DENND4B: variants seen among roughly 807,000 people sequenced by gnomAD.
DENND4B encodes DENN domain containing 4B, also known as DENN domain-containing protein 4B.
Under a neutral mutation model 161.0 loss-of-function variants are expected in DENND4B, and 67 were observed. The ratio of observed to expected loss-of-function variants is 0.42; its 90% confidence interval spans 0.34 to 0.51. The LOEUF is 0.51. DENND4B is among the 20% of genes least tolerant of loss of function. DENND4B has a pLI of 0.08. For missense variants in DENND4B, 1,481 were observed against 1,968.0 expected (o/e 0.75, Z 4.68); for synonymous variants, 753 against 813.8 (o/e 0.93, Z 1.27).
intron 6 of DENND4B, 93 bp downstream of exon 6, chr1:153,941,776 C>T: frequency 3.9e-5 from 20 of 509,874 alleles, no homozygotes; most frequent in East Asian, 1.0e-4. Context: ...CTGTGCCCAG[C>T]CCTCCCCCCA....
At position 153,930,996 on chromosome 1, in the gene DENND4B, G is replaced by A. The variant is rs923572672; in HGVS notation, c.4065C>T (p.Thr1355=). ...VQVRLLWDVL[T]PDPNSCPPLY... The stretch of plus-strand genomic sequence containing the variant: ...GAGGTGGGCAGCTATTGGGGTCAGG[G>A]GTCAGTACATCCCACAGCAGCCGTA... Residue 1355 remains threonine (T), a synonymous_variant, in exon 25 of 28, where the codon ACC becomes ACT. Coordinates refer to ENST00000361217, the MANE Select transcript of DENND4B (RefSeq NM_014856.3). The surrounding 1 kb of genome is among the most constrained non-coding windows in gnomAD (Gnocchi z 4.7). 1.2e-6 allele frequency: 2 copies of A among 1,613,348 alleles called. No homozygotes were observed. Among genetic ancestry groups the A allele is most frequent in the African/African-American group, 1.3e-5 (1 of 75,026 alleles).
chr1:153,931,495 T>C (rs1049364866), intron 24 of DENND4B, among the ~76,000 whole-genome samples: 1 of 150,698 alleles, frequency 6.6e-6, no homozygotes, highest in East Asian at 1.9e-4. Context: ...CTATGCTCTT[T>C]CTTTTTTTTT....
chr1:153,941,133 A>G (rs1159882326), intron 8 of DENND4B, 85 bp from the exon 9 acceptor site: 1 of 1,570,598 alleles, frequency 6.4e-7, no homozygotes. Context: ...CACCACCTGG[A>G]CCCAGCCTGC....
chr1:153,941,158 C>T (rs1679641692), intron 8 of DENND4B, 73 bp downstream of exon 8: 1 of 1,590,412 alleles, frequency 6.3e-7, no homozygotes, highest in Non-Finnish European at 8.6e-7. Flanking sequence ...ACCTCAACAG[C>T]TGCACCCACC....
rs371982871 is a variant in DENND4B at position 153,934,287 on chromosome 1, C to T, written c.2789G>A (p.Arg930His). 8.8e-6 allele frequency: 14 copies of T among 1,590,304 alleles called. No homozygotes were observed. The South Asian group carries it at 1.3e-4, about 14-fold the overall frequency. The change falls in exon 19 of 28, where the codon CGC (arginine) becomes CAC (histidine). Residue 930 changes from arginine (R) to histidine (H), a missense_variant. Coordinates refer to ENST00000361217, the MANE Select transcript of DENND4B (RefSeq NM_014856.3). The surrounding 1 kb of genome is among the most constrained non-coding windows in gnomAD (Gnocchi z 5.3). ...CTGAAGAGGGCGAGTAGGGGAAGGG[C>T]GCTCCAAATAGGGCTCTGTAAAAGA... ...GSSQAEPYLE[R>H]PSPTRPLQRQ...
chr1:153,934,396 G>A lies in DENND4B; in HGVS notation c.2774-94C>T. On this transcript the variant is annotated intron_variant, in intron 18 of 27. Transcript: ENST00000361217. This position sits in a 1 kb window ranked among gnomAD's most constrained non-coding sequence, Gnocchi z 5.3. Reference sequence around the variant, plus strand: ...TCCTTAGATGGACCAGGGTTTGCAGGGTTCCTCCCAGGCAAAACTTTATCC... The same window carrying A: ...TCCTTAGATGGACCAGGGTTTGCAGAGTTCCTCCCAGGCAAAACTTTATCC... 1 of 1,454,966 alleles carries A rather than the reference G, an allele frequency of 6.9e-7. No individual in the cohort carries two copies. The highest frequency in any genetic ancestry group is 9.2e-7 in the Non-Finnish European group (1 of 1,088,034). The allele number at this position is 1,454,966 out of a possible 1,614,324, so 90.1% of individuals were successfully genotyped here.
Position 153,933,366 on chromosome 1 carries a change from A to C in DENND4B, c.3331-47T>G, listed in dbSNP as rs1679088001. ...TGGTCAGCCAACCCCATGCTCTTCC[A>C]CCCAGGATATGTGTTTCAAGCACCC... On this transcript the variant is annotated intron_variant, in intron 20 of 27. Transcript: ENST00000361217. The surrounding 1 kb of genome is among the most constrained non-coding windows in gnomAD (Gnocchi z 5.7). 1 of 1,612,488 alleles carries C rather than the reference A, an allele frequency of 6.2e-7. No homozygotes were observed. The highest frequency in any genetic ancestry group is 1.3e-5 in the African/African-American group (1 of 74,956).
In DENND4B at chr1:153,938,986, G is replaced by A. The variant is rs983902494; in HGVS notation, c.1879C>T (p.Gln627Ter). 6.2e-7 allele frequency: 1 copy of A among 1,612,242 alleles called. No homozygotes were observed. Among genetic ancestry groups the A allele is most frequent in the Non-Finnish European group, 8.5e-7 (1 of 1,179,198 alleles). ...HKLYSQLLHT[Q>*]MFSQFIEECS... ...TCCTCAATGAACTGTGAGAACATCT[G>A]TGTGTGCAGCAGCTGAGAGTAAAGT... Residue 627 changes from glutamine to a stop codon, truncating the protein, a stop_gained, in exon 13 of 28, where the codon CAG (glutamine) becomes TAG (stop). Transcript: ENST00000361217. LOFTEE classifies it high-confidence loss of function.
chr1:153,945,569 CA>C (rs1679913649), intron 1 of DENND4B, among the ~76,000 whole-genome samples: 1 of 151,942 alleles, frequency 6.6e-6, no homozygotes, highest in South Asian at 2.1e-4. Flanking sequence ...CACACACACA[CA>C]CACACGCACA....
Position 153,937,532 on chromosome 1 carries a change from A to G in DENND4B, c.2188T>C (p.Ser730Pro). 1 of 1,605,486 alleles carries G rather than the reference A, an allele frequency of 6.2e-7. No homozygotes were observed. The highest frequency in any genetic ancestry group is 8.5e-7 in the Non-Finnish European group (1 of 1,175,700). ...QPGALPVPGP[S>P]RSAPSSPAPR... ...GCAGGACTGCTGGGGGCGCTACGGG[A>G]AGGGCCTGGCACAGGCAGGGCCCCA... is the stretch of plus-strand genomic sequence containing the variant. Residue 730 changes from serine to proline, a missense_variant, in exon 15 of 28, where the codon TCC becomes CCC. Ser to Pro is a moderately conservative substitution (Grantham distance 74). Transcript: ENST00000361217. The surrounding 1 kb of genome is among the most constrained non-coding windows in gnomAD (Gnocchi z 4.7).
At position 153,940,406 on chromosome 1, in the gene DENND4B, C is replaced by T. The variant is rs896098297; in HGVS notation, c.1502+25G>A. Reference sequence around the variant, plus strand: ...CCATTCCTGCCCACCACCCTGCAGCCCCCAAATGAGACCCAGCCTCTTACT... The same window carrying T: ...CCATTCCTGCCCACCACCCTGCAGCTCCCAAATGAGACCCAGCCTCTTACT... On this transcript the variant is annotated intron_variant, in intron 10 of 27. Transcript: ENST00000361217. The surrounding 1 kb of genome is among the most constrained non-coding windows in gnomAD (Gnocchi z 5.6). 3.7e-6 allele frequency: 6 copies of T among 1,607,374 alleles called. No homozygotes were observed. Among genetic ancestry groups the T allele is most frequent in the Non-Finnish European group, 4.2e-6 (5 of 1,176,752 alleles).
In DENND4B at chr1:153,940,228, G is replaced by A. The variant is rs567357573; in HGVS notation, c.1531C>T (p.Arg511Trp). Reference protein sequence around the residue: ...QTEEKKLLSPRTLPRRPYKVL... With the variant: ...QTEEKKLLSPWTLPRRPYKVL... The stretch of plus-strand genomic sequence containing the variant: ...TTGTAGGGTCTGCGGGGCAGGGTCC[G>A]AGGGGAGAGGAGCTTCTTTTCCTCA... Residue 511 changes from arginine to tryptophan, a missense_variant, in exon 11 of 28, where the codon CGG (arginine) becomes TGG (tryptophan). Arg to Trp is a moderately radical substitution (Grantham distance 101). Coordinates refer to ENST00000361217, the MANE Select transcript of DENND4B (RefSeq NM_014856.3). This position sits in a 1 kb window ranked among gnomAD's most constrained non-coding sequence, Gnocchi z 5.6. 7 of 1,601,414 alleles carry A rather than the reference G, an allele frequency of 4.4e-6. No individual in the cohort carries two copies. The highest frequency in any genetic ancestry group is 1.1e-5 in the South Asian group (1 of 89,294).
rs748095581 is a variant in DENND4B, at chr1:153,941,443, G to A, written c.1056-3C>T. Reference sequence around the variant, plus strand: ...TGTGAATGAAGTGGGAGATGTGCCTGGGGGACAGAGAAACAGGTCAGAGCA... The same window carrying A: ...TGTGAATGAAGTGGGAGATGTGCCTAGGGGACAGAGAAACAGGTCAGAGCA... On this transcript the variant is annotated splice_polypyrimidine_tract_variant and splice_region_variant and intron_variant, in intron 6 of 27. Transcript: ENST00000361217. The A allele has an allele frequency of 1.2e-6, 2 of 1,610,320 alleles. No individual in the cohort carries two copies. The highest frequency in any genetic ancestry group is 1.7e-5 in the Admixed American group (1 of 59,648).
In DENND4B at chr1:153,940,060, T is replaced by G; in HGVS notation, c.1603+96A>C. 1 of 1,117,926 alleles carries G rather than the reference T, an allele frequency of 8.9e-7. No homozygotes were observed. 69.3% of individuals were successfully genotyped at this position (1,117,926 alleles called of 1,614,324 possible). A position where few individuals can be genotyped will look rare whatever the true frequency, so the allele number is the denominator to read the frequency against. On this transcript the variant is annotated intron_variant, in intron 11 of 27. Coordinates refer to ENST00000361217, the MANE Select transcript of DENND4B (RefSeq NM_014856.3). This position sits in a 1 kb window ranked among gnomAD's most constrained non-coding sequence, Gnocchi z 5.6. ...AAATGCAATCCTAACTTCACTCACC[T>G]CCTTAAGAAATGTCTAGCTCCCCAC...
chr1:153,945,033 C>G (rs1376818585), intron 1 of DENND4B: 6 of 1,212,228 alleles, frequency 4.9e-6, no homozygotes, highest in Non-Finnish European at 6.4e-6. Flanking sequence ...TTAGGTAGCT[C>G]GTTAGATCCA....
Position 153,934,261 on chromosome 1 carries a change from G to A in DENND4B, c.2815C>T (p.Arg939Cys), listed in dbSNP as rs375007291. 16 of 1,596,542 alleles carry A rather than the reference G, an allele frequency of 1.0e-5. No individual in the cohort carries two copies. The highest frequency in any genetic ancestry group is 5.4e-5 in the African/African-American group (4 of 74,300). Reference sequence around the variant, plus strand: ...CTTCGCCCAGCCCAAGTAGTCTGGCGCTGAAGAGGGCGAGTAGGGGAAGGG... The same window carrying A: ...CTTCGCCCAGCCCAAGTAGTCTGGCACTGAAGAGGGCGAGTAGGGGAAGGG... ...ERPSPTRPLQRQTTWAGRSLR... is the reference protein window; with the variant it reads ...ERPSPTRPLQCQTTWAGRSLR... The change falls in exon 19 of 28, where the codon CGC becomes TGC. Residue 939 changes from arginine to cysteine, a missense_variant. Coordinates refer to ENST00000361217, the MANE Select transcript of DENND4B (RefSeq NM_014856.3). The surrounding 1 kb of genome is among the most constrained non-coding windows in gnomAD (Gnocchi z 5.3).
In DENND4B at chr1:153,934,116, G is replaced by A. The variant is rs1442933293; in HGVS notation, c.2941+19C>T. 1 of 1,537,824 alleles carries A rather than the reference G, an allele frequency of 6.5e-7. No individual in the cohort carries two copies. Among genetic ancestry groups the A allele is most frequent in the South Asian group, 1.2e-5 (1 of 80,048 alleles). ...GAAAGCTGACTGGGGGAGTGAGGGAGCCAGACAAGGGCACTCACTGTGGGC... is the reference window on the plus strand; with the variant it reads ...GAAAGCTGACTGGGGGAGTGAGGGAACCAGACAAGGGCACTCACTGTGGGC... On this transcript the variant is annotated intron_variant, in intron 19 of 27. Transcript: ENST00000361217. The surrounding 1 kb of genome is among the most constrained non-coding windows in gnomAD (Gnocchi z 5.3).
In DENND4B at chr1:153,936,239, CAA is replaced by C. The variant is rs1225781141; in HGVS notation, c.2440-53_2440-52del. On this transcript the variant is annotated intron_variant, in intron 16 of 27. Coordinates refer to ENST00000361217, the MANE Select transcript of DENND4B (RefSeq NM_014856.3). This position sits in a 1 kb window ranked among gnomAD's most constrained non-coding sequence, Gnocchi z 4.1. ...TGGGAGACTCACTCTCAACCAAAAC[CAA>C]AGTCTCAGCAAGCACCCTCTTCCTG... is the stretch of plus-strand genomic sequence containing the variant. 27 of 1,565,004 alleles carry C rather than the reference CAA, an allele frequency of 1.7e-5. No individual in the cohort carries two copies. In the East Asian group the frequency reaches 3.6e-4, roughly 21 times the overall value.
chr1:153,930,729 T>C lies in DENND4B; in HGVS notation c.4243A>G (p.Thr1415Ala). The change falls in exon 26 of 28, where the codon ACT becomes GCT. Residue 1415 changes from threonine to alanine, a missense_variant. By Grantham distance (58) the Thr-to-Ala change is moderately conservative (BLOSUM62 0). Coordinates refer to ENST00000361217, the MANE Select transcript of DENND4B (RefSeq NM_014856.3). This position sits in a 1 kb window ranked among gnomAD's most constrained non-coding sequence, Gnocchi z 4.7. Reference protein sequence around the residue: ...VHKAVGLLLETLGPPPTGLHL... With the variant: ...VHKAVGLLLEALGPPPTGLHL... The stretch of plus-strand genomic sequence containing the variant: ...AGGCCAGTGGGTGGGGGCCCTAGAG[T>C]TTCCAGCAGGAGCCCCACAGCCTTG... The C allele has an allele frequency of 6.2e-7, 1 of 1,610,878 alleles. No homozygotes were observed. The highest frequency in any genetic ancestry group is 8.5e-7 in the Non-Finnish European group (1 of 1,178,566).
Sources: gnomAD v4.1 joint callset for allele counts (sites outside exome capture counted in the v4.1 genomes callset) on GRCh38, gnomAD v4.1.1 for gene constraint, Gnocchi (gnomAD v3.1) non-coding constraint, MANE v1.5 for transcripts, NCBI Gene and HGNC (gene_info 2026-07-23, HGNC 2026-07-21) for gene names.